CPXM2: variants seen among roughly 807,000 people sequenced by gnomAD.
CPXM2 encodes the protein carboxypeptidase X, M14 family member 2, also known as inactive carboxypeptidase-like protein X2.
CPXM2 carries 66 observed loss-of-function variants against 86.1 expected under a neutral mutation model. The ratio of observed to expected loss-of-function variants is 0.77; its 90% CI spans 0.63 to 0.94. The LOEUF (loss-of-function observed/expected upper bound fraction) is 0.94, where lower values mean the gene tolerates loss of function less well. Among genes scored for constraint, CPXM2 ranks in the 40% least tolerant of loss-of-function variants. The pLI, the probability that CPXM2 is intolerant of heterozygous loss-of-function variation, is 0.00. For synonymous variants in CPXM2, 388 were observed against 400.2 expected (o/e 0.97, Z 0.36); for missense variants, 948 against 1,026.3 (o/e 0.92, Z 1.04).
intron 4 of CPXM2, among the ~76,000 whole-genome samples, chr10:123,801,538 C>CA (rs1847459149): frequency 6.6e-6 from 1 of 152,214 alleles, no homozygotes; most frequent in Non-Finnish European, 1.5e-5. Context: ...CCCCTGCCAC[C>CA]ACCCCAGTTC....
chr10:123,880,429 A>T (rs1388049276), intron 1 of CPXM2, 120 bp from the exon 2 acceptor site: 1 of 642,510 alleles, frequency 1.6e-6, no homozygotes. Context: ...CCCTGTCCCT[A>T]AAGATGGGGT....
At chr10:123,770,034 G>A (rs1482637787) in intron 8 of CPXM2, among the ~76,000 whole-genome samples, 1 of 152,192 alleles carries the variant, frequency 6.6e-6, no homozygotes, top group Non-Finnish European at 1.5e-5. Context: ...AGCACTTTGG[G>A]AGGCCAAGGC....
intron 3 of CPXM2, among the ~76,000 whole-genome samples, chr10:123,849,158 GTTTTAT>G (rs1365917001): frequency 1.3e-5 from 2 of 152,004 alleles, no homozygotes; most frequent in Admixed American, 6.6e-5. Context: ...CTGTGGCTTT[GTTTTAT>G]TTTTATCTAT....
chr10:123,770,890 A>G (rs372209141), intron 8 of CPXM2, 26 bp downstream of exon 8: 4 of 1,599,898 alleles, frequency 2.5e-6, no homozygotes, highest in Non-Finnish European at 2.6e-6. Context: ...TGAAGGGGCC[A>G]AGCATCCCAG....
intron 7 of CPXM2, among the ~76,000 whole-genome samples, chr10:123,779,676 G>A (rs1160596018): frequency 1.3e-5 from 2 of 152,054 alleles, no homozygotes; most frequent in Non-Finnish European, 2.9e-5. Flanking sequence ...AATAATAAGG[G>A]GTAGTGCTAT....
At chr10:123,768,820 A>C in intron 8 of CPXM2, 98 bp from the exon 9 acceptor site, 1 of 1,070,136 alleles carries the variant, frequency 9.3e-7, no homozygotes, top group Non-Finnish European at 1.4e-6. Flanking sequence ...CTTGAATAAT[A>C]TAAGCTTACC....
upstream of CPXM2, among the ~76,000 whole-genome samples, chr10:123,942,624 C>A (rs1945788011): frequency 6.6e-6 from 1 of 152,244 alleles, no homozygotes; most frequent in South Asian, 2.1e-4. Context: ...AAAATCCCCA[C>A]CGCTTTCCAA....
chr10:123,855,670 C>T (rs1027289803), intron 3 of CPXM2, among the ~76,000 whole-genome samples: 3 of 152,226 alleles, frequency 2.0e-5, no homozygotes, highest in Admixed American at 2.0e-4. Context: ...TGTTCTAAAA[C>T]TGCATTCATG....
intron 1 of CPXM2, among the ~76,000 whole-genome samples, chr10:123,883,803 C>A (rs899534876): frequency 6.6e-6 from 1 of 152,104 alleles, no homozygotes; most frequent in Non-Finnish European, 1.5e-5. Flanking sequence ...GCACACAGGC[C>A]CCCCCTTCAT....
intron 2 of CPXM2, among the ~76,000 whole-genome samples, chr10:123,869,801 C>T (rs1339255846): frequency 6.6e-6 from 1 of 152,210 alleles, no homozygotes; most frequent in Non-Finnish European, 1.5e-5. Context: ...ATCATCACCA[C>T]CATATATTAC....
chr10:123,869,373 T>G (rs541036769), intron 2 of CPXM2, among the ~76,000 whole-genome samples: 5 of 152,314 alleles, frequency 3.3e-5, no homozygotes, highest in Admixed American at 3.3e-4. Flanking sequence ...TTCATCCTTT[T>G]TCATTAAATC....
intron 2 of CPXM2, among the ~76,000 whole-genome samples, chr10:123,914,594 A>G (rs1273613074): frequency 1.3e-5 from 2 of 152,176 alleles, no homozygotes; most frequent in African/African-American, 4.8e-5. Flanking sequence ...GTCTCTGCCA[A>G]CAACACCATT....
intron 4 of CPXM2, among the ~76,000 whole-genome samples, chr10:123,809,642 A>T (rs1043896611): frequency 6.6e-6 from 1 of 152,130 alleles, no homozygotes; most frequent in Non-Finnish European, 1.5e-5. Context: ...TATCACTACA[A>T]TGCTATGAGG....
chr10:123,930,057 C>A (rs936346052), intron 2 of CPXM2, among the ~76,000 whole-genome samples: 2 of 152,196 alleles, frequency 1.3e-5, no homozygotes, highest in African/African-American at 4.8e-5. Context: ...ACCTGGCTCC[C>A]CTCCACCCCT....
intron 7 of CPXM2, among the ~76,000 whole-genome samples, chr10:123,778,402 T>C (rs113084435): frequency 8.5e-5 from 13 of 152,330 alleles, no homozygotes; most frequent in African/African-American, 3.1e-4. Context: ...TCAGGATTGA[T>C]GGGCGCTCTC....
At chr10:123,901,484 T>C (rs1945381376) in intron 2 of CPXM2, among the ~76,000 whole-genome samples, 1 of 149,880 alleles carries the variant, frequency 6.7e-6, no homozygotes. Context: ...TTTTCCCCTA[T>C]GCAAATGAAG....
rs757327939 is a variant in CPXM2, at chr10:123,746,987, T to A, written c.2048A>T (p.Asn683Ile). 1.5e-5 allele frequency: 25 copies of A among 1,613,934 alleles called. No individual in the cohort carries two copies. Among genetic ancestry groups the A allele is most frequent in the Non-Finnish European group, 2.1e-5 (25 of 1,180,010 alleles). Residue 683 changes from asparagine to isoleucine, a missense_variant, in exon 14 of 14, where the codon AAC becomes ATC. Coordinates refer to ENST00000241305, the MANE Select transcript of CPXM2 (RefSeq NM_198148.3). ...TGCTGTGACCACATACTCTCCAGGG[T>A]TCAGGAGGCGCCAGTAATCCCCATC... is the stretch of plus-strand genomic sequence containing the variant. ...ANDGDYWRLLNPGEYVVTAKA... is the reference protein window; with the variant it reads ...ANDGDYWRLLIPGEYVVTAKA...
At chr10:123,789,860 T>C (rs1399769363) in intron 6 of CPXM2, among the ~76,000 whole-genome samples, 1 of 152,166 alleles carries the variant, frequency 6.6e-6, no homozygotes, top group East Asian at 1.9e-4. Context: ...GGCTCACACC[T>C]GTAATCCCAG....
intron 11 of CPXM2, among the ~76,000 whole-genome samples, chr10:123,761,160 C>T (rs895608351): frequency 1.2e-4 from 18 of 152,230 alleles, no homozygotes; most frequent in African/African-American, 3.6e-4. Flanking sequence ...TCCTGGGAGC[C>T]TCTACAGTCC....
Sources: gnomAD v4.1 joint callset for allele counts (sites outside exome capture counted in the v4.1 genomes callset) on GRCh38, gnomAD v4.1.1 for gene constraint, MANE v1.5 for transcripts, NCBI Gene and HGNC (gene_info 2026-07-23, HGNC 2026-07-21) for gene names.